The following APPL2 variants were observed in gnomAD, a reference collection of about 807,000 sequenced individuals.
APPL2 encodes the protein DCC-interacting protein 13-beta.
A neutral mutation model predicts 92.7 loss-of-function variants in APPL2; 84 were observed. The ratio of observed to expected loss-of-function variants is 0.91; its 90% CI spans 0.76 to 1.09. APPL2 has a LOEUF of 1.09. APPL2 is among the 50% of genes least tolerant of loss of function. The pLI is 0.00. For missense variants in APPL2, 736 were observed against 824.5 expected (o/e 0.89, Z 1.31); for synonymous variants, 291 against 291.0 (o/e 1.00, Z 0.00).
chr12:105,204,072 G>A (rs759884987), intron 8 of APPL2, among the ~76,000 whole-genome samples: 1 of 152,194 alleles, frequency 6.6e-6, no homozygotes, highest in Non-Finnish European at 1.5e-5. Flanking sequence ...AACCCTGGAG[G>A]GCAGGGGTAT....
At chr12:105,226,674 T>C (rs1366365453) in intron 2 of APPL2, among the ~76,000 whole-genome samples, 2 of 152,148 alleles carry the variant, frequency 1.3e-5, no homozygotes, top group African/African-American at 4.8e-5. Context: ...GAAATACAAA[T>C]TGCTGAATAG....
chr12:105,180,793 G>A (rs1056410982), intron 17 of APPL2, among the ~76,000 whole-genome samples: 3 of 152,172 alleles, frequency 2.0e-5, no homozygotes, highest in Non-Finnish European at 4.4e-5. Flanking sequence ...GAATGCTTGT[G>A]ATTTTTGCAC....
chr12:105,178,586 C>T (rs1055523762), intron 17 of APPL2, among the ~76,000 whole-genome samples: 5 of 152,142 alleles, frequency 3.3e-5, no homozygotes, highest in Non-Finnish European at 5.9e-5. Context: ...GAAATACGTG[C>T]AGTTACACTT....
intron 2 of APPL2, among the ~76,000 whole-genome samples, chr12:105,221,023 C>T (rs1190937697): frequency 6.6e-6 from 1 of 152,218 alleles, no homozygotes; most frequent in Non-Finnish European, 1.5e-5. Context: ...TACAACACAG[C>T]CTGTCACCTG....
chr12:105,193,873 G>A (rs1273264601), intron 14 of APPL2, among the ~76,000 whole-genome samples: 2 of 152,066 alleles, frequency 1.3e-5, no homozygotes, highest in East Asian at 1.9e-4. Context: ...CCTAACCCTG[G>A]TTCTGACCAT....
chr12:105,183,971 TC>T (rs1320799235), intron 17 of APPL2, among the ~76,000 whole-genome samples: 3 of 152,230 alleles, frequency 2.0e-5, no homozygotes, highest in Non-Finnish European at 4.4e-5. Flanking sequence ...CATTCTTTTT[TC>T]TCTAATCTTG....
At chr12:105,198,661 C>T (rs1264314992) in intron 10 of APPL2, among the ~76,000 whole-genome samples, 2 of 152,198 alleles carry the variant, frequency 1.3e-5, no homozygotes, top group African/African-American at 4.8e-5. Flanking sequence ...CACTGGGTTT[C>T]CTGCCCCAAT....
At chr12:105,199,185 A>T in intron 10 of APPL2, 188 bp downstream of exon 10, 1 of 626,414 alleles carries the variant, frequency 1.6e-6, no homozygotes, top group Non-Finnish European at 2.7e-6. Flanking sequence ...CCCATCTCTT[A>T]GTGCAGTTTG....
In APPL2 at chr12:105,195,367, G is replaced by A. The variant is rs1555250477; in HGVS notation, c.1153-18C>T. 1.2e-6 allele frequency: 2 copies of A among 1,614,150 alleles called. No individual in the cohort carries two copies. Among genetic ancestry groups the A allele is most frequent in the South Asian group, 1.1e-5 (1 of 91,080 alleles). Reference sequence around the variant, plus strand: ...GCGACTGCCTAAAAATCCACAGGAAGACACACTCAGTCCCAGGAGGTGGAC... The same window carrying A: ...GCGACTGCCTAAAAATCCACAGGAAAACACACTCAGTCCCAGGAGGTGGAC... On this transcript the variant is annotated intron_variant, in intron 13 of 20. Transcript: ENST00000258530.
intron 2 of APPL2, among the ~76,000 whole-genome samples, chr12:105,222,510 A>G (rs1055126932): frequency 7.2e-5 from 11 of 152,202 alleles, no homozygotes; most frequent in Non-Finnish European, 1.6e-4. Context: ...GGAAGGCCAG[A>G]TGGAGAACGG....
At chr12:105,222,593 T>C (rs965582681) in intron 2 of APPL2, among the ~76,000 whole-genome samples, 7 of 152,162 alleles carry the variant, frequency 4.6e-5, no homozygotes, top group African/African-American at 1.7e-4. Context: ...TGAGATGTCC[T>C]TGCTTTTAGG....
chr12:105,177,125 G>C (rs1885622392), intron 18 of APPL2, 101 bp downstream of exon 18: 1 of 1,595,260 alleles, frequency 6.3e-7, no homozygotes, highest in Admixed American at 1.7e-5. Flanking sequence ...AGTCCTATTA[G>C]TGGCAGATCT....
chr12:105,179,790 G>C (rs183347404), intron 17 of APPL2, among the ~76,000 whole-genome samples: 51 of 152,254 alleles, frequency 3.3e-4, no homozygotes, highest in African/African-American at 1.2e-3. Flanking sequence ...AAAAATGTCT[G>C]TTCATATCCT....
intron 20 of APPL2, 118 bp from the exon 21 acceptor site, chr12:105,174,566 A>T (rs538990377): frequency 1.9e-6 from 2 of 1,071,260 alleles, no homozygotes; most frequent in Admixed American, 2.8e-5. Flanking sequence ...ACTCTTGTGT[A>T]TATGTGCCTT....
chr12:105,217,251 A>T, intron 3 of APPL2, 111 bp from the exon 4 acceptor site: 1 of 669,910 alleles, frequency 1.5e-6, no homozygotes, highest in Non-Finnish European at 2.6e-6. Context: ...CTTCTCCAAG[A>T]GCACGTCCTA....
In APPL2 at chr12:105,208,308, C is replaced by T. The variant is rs1888924754; in HGVS notation, c.374-109G>A. On this transcript the variant is annotated intron_variant, in intron 5 of 20. Coordinates refer to ENST00000258530, the MANE Select transcript of APPL2 (RefSeq NM_018171.5). The stretch of plus-strand genomic sequence containing the variant: ...AGAGAATATGCGTGCAAGGGAAGCC[C>T]CTGCACCCTCAGTCCCTGGCTCTCA... 2.3e-5 allele frequency: 30 copies of T among 1,326,496 alleles called. 1 individual carries two copies. The South Asian group carries it at 3.6e-4, about 16-fold the overall frequency. The allele number at this position is 1,326,496 out of a possible 1,614,324, so 82.2% of individuals were successfully genotyped here. A position where few individuals can be genotyped will look rare whatever the true frequency, so the allele number is the denominator to read the frequency against.
chr12:105,236,115 CACTCCG>C lies in APPL2; in HGVS notation c.-109_-104del. 1.2e-6 allele frequency: 1 copy of C among 849,258 alleles called. No homozygotes were observed. The highest frequency in any genetic ancestry group is 1.5e-6 in the Non-Finnish European group (1 of 657,486). The allele number at this position is 849,258 out of a possible 1,614,324, so 52.6% of individuals were successfully genotyped here. A position where few individuals can be genotyped will look rare whatever the true frequency, so the allele number is the denominator to read the frequency against. On this transcript the variant is annotated 5_prime_UTR_variant, in exon 1 of 21. Coordinates refer to ENST00000258530, the MANE Select transcript of APPL2 (RefSeq NM_018171.5). ...CTCTGGGCTCAGGCGACGCGGCGGC[CACTCCG>C]TGCCCGCGGCGGCCCCGCGCGCGTC...
At chr12:105,235,841 G>C in intron 1 of APPL2, 118 bp downstream of exon 1, 4 of 784,794 alleles carry the variant, frequency 5.1e-6, no homozygotes, top group Non-Finnish European at 6.8e-6. Context: ...GGCGCCGCGA[G>C]GGGGCCGGGC....
chr12:105,177,471 G>A, intron 17 of APPL2: 1 of 582,430 alleles, frequency 1.7e-6, no homozygotes, highest in South Asian at 2.1e-5. Context: ...ACCTATAATG[G>A]AAGATTATAT....
Sources: gnomAD v4.1 joint callset for allele counts (sites outside exome capture counted in the v4.1 genomes callset) on GRCh38, gnomAD v4.1.1 for gene constraint, MANE v1.5 for transcripts, NCBI Gene and HGNC (gene_info 2026-07-23, HGNC 2026-07-21) for gene names.